The following FRMD4A variants were observed in gnomAD, a reference collection of about 807,000 sequenced individuals.
The protein encoded by FRMD4A is FERM domain-containing protein 4A.
A neutral mutation model predicts 129.1 loss-of-function variants in FRMD4A; 29 were observed. The observed-to-expected ratio is 0.22, with a 90% CI of 0.17 to 0.31. FRMD4A has a LOEUF of 0.31. Ranked by LOEUF, FRMD4A falls within the 10% of genes least tolerant of loss-of-function variation. FRMD4A has a pLI of 1.00. For synonymous variants in FRMD4A, 634 were observed against 571.6 expected, an observed-to-expected ratio of 1.11 and a Z score of -1.56; for missense variants, 1,272 against 1,375.8, an observed-to-expected ratio of 0.92 and a Z score of 1.19.
At chr10:14,271,627 C>T (rs1285787335) in intron 2 of FRMD4A, among the ~76,000 whole-genome samples, 1 of 152,210 alleles carries the variant, frequency 6.6e-6, no homozygotes, top group African/African-American at 2.4e-5. Context: ...TTCAAGGACC[C>T]ACTGTCTAGC....
At chr10:13,695,456 A>G (rs1326833689) in intron 14 of FRMD4A, among the ~76,000 whole-genome samples, 3 of 152,140 alleles carry the variant, frequency 2.0e-5, no homozygotes, top group African/African-American at 7.2e-5. Flanking sequence ...AGTGGTTTTT[A>G]TAAGGTATCT....
chr10:14,147,213 C>G (rs1375488940), intron 2 of FRMD4A, among the ~76,000 whole-genome samples: 3 of 152,062 alleles, frequency 2.0e-5, no homozygotes, highest in Non-Finnish European at 2.9e-5. Flanking sequence ...AGGTGAGAGT[C>G]TAAAGGTCAG....
rs144227115 is a variant in FRMD4A at position 13,948,289 on chromosome 10, C to T, written c.46-89377G>A. Among the ~76,000 whole-genome samples, 1,196 of 152,126 alleles carry T rather than the reference C, an allele frequency of 7.9e-3. 9 individuals are homozygous for T. Among genetic ancestry groups the T allele is most frequent in the Admixed American group, 0.014 (209 of 15,284 alleles). Reference sequence around the variant, plus strand: ...GCAATGATAAACACCTGGGCTCAAGCGATCCTCCCTCCTTAGCCTCCCAAA... The same window carrying T: ...GCAATGATAAACACCTGGGCTCAAGTGATCCTCCCTCCTTAGCCTCCCAAA... On this transcript the variant is annotated intron_variant, in intron 2 of 24. Transcript: ENST00000357447.
intron 2 of FRMD4A, among the ~76,000 whole-genome samples, chr10:14,000,910 A>C (rs1253909029): frequency 6.6e-6 from 1 of 152,116 alleles, no homozygotes; most frequent in Non-Finnish European, 1.5e-5. Context: ...GACTCTCCTC[A>C]ATGTGCTGGA....
intron 15 of FRMD4A, among the ~76,000 whole-genome samples, chr10:13,678,723 A>G (rs2084216196): frequency 6.6e-6 from 1 of 152,254 alleles, no homozygotes. Flanking sequence ...GTAACACTTG[A>G]GGTCCAAAGC....
At chr10:14,085,282 A>C (rs1053303762) in intron 2 of FRMD4A, among the ~76,000 whole-genome samples, 11 of 152,230 alleles carry the variant, frequency 7.2e-5, no homozygotes, top group Non-Finnish European at 1.3e-4. Flanking sequence ...TGCGCAGGTT[A>C]TTCCCTTAAG....
At chr10:13,651,672 C>G (rs1255490881) in intron 24 of FRMD4A, 2 of 532,268 alleles carry the variant, frequency 3.8e-6, no homozygotes, top group Non-Finnish European at 6.7e-6. Context: ...GACTCTGTCT[C>G]AAAACAAAAC....
intron 23 of FRMD4A, 101 bp downstream of exon 23, chr10:13,654,315 C>G (rs771345804): frequency 6.0e-5 from 50 of 830,298 alleles, no homozygotes; most frequent in Non-Finnish European, 1.0e-4. Context: ...GTGATGAACC[C>G]TCATCATCCA....
intron 2 of FRMD4A, among the ~76,000 whole-genome samples, chr10:14,006,954 A>G (rs2095664362): frequency 6.6e-6 from 1 of 152,364 alleles, no homozygotes; most frequent in South Asian, 2.1e-4. Context: ...CATTATTCAA[A>G]TGGCAGAAAA....
Position 13,694,666 on chromosome 10 carries a change from T to C in FRMD4A, c.976-627A>G, listed in dbSNP as rs577584409. ...CAGTGGTTCTCCAGCTTGGGCATCA[T>C]AGCAAGATCCCATCTATACAAAAAA... On this transcript the variant is annotated intron_variant, in intron 14 of 24. Coordinates refer to ENST00000357447, the MANE Select transcript of FRMD4A (RefSeq NM_018027.5). 5.3e-5 allele frequency among the ~76,000 whole-genome samples: 8 copies of C among 152,256 alleles called. No individual in the cohort carries two copies. In the South Asian group the frequency reaches 1.7e-3, roughly 32 times the overall value.
rs532747729 is a variant in FRMD4A, at chr10:14,115,315, C to A, written c.45+214743G>T. ...CCTTGATCACAACTAATGCAAAAGTCCCAGGCCATCTGTGGTTGGCCTCTT... is the reference window on the plus strand; with the variant it reads ...CCTTGATCACAACTAATGCAAAAGTACCAGGCCATCTGTGGTTGGCCTCTT... On this transcript the variant is annotated intron_variant, in intron 2 of 24. Transcript: ENST00000357447. Among the ~76,000 whole-genome samples the A allele has an allele frequency of 8.5e-5, 13 of 152,332 alleles. No individual in the cohort carries two copies. The East Asian group carries it at 2.5e-3, about 29-fold the overall frequency.
intron 2 of FRMD4A, among the ~76,000 whole-genome samples, chr10:14,246,933 G>C (rs1324932455): frequency 2.0e-5 from 3 of 152,168 alleles, no homozygotes. Context: ...CGGTAGTGTA[G>C]CTGCGTTGTG....
chr10:13,677,781 C>T lies in FRMD4A; in HGVS notation c.1118-2737G>A, dbSNP rs79053219. 9.4e-3 allele frequency among the ~76,000 whole-genome samples: 1,424 copies of T among 152,278 alleles called. 26 individuals are homozygous for T. Among genetic ancestry groups the T allele is most frequent in the African/African-American group, 0.033 (1,364 of 41,548 alleles). ...CCAATCACATCTGAAGACTCAGGAA[C>T]ATTTACTGAAGTACTCCGTTTCATC... On this transcript the variant is annotated intron_variant, in intron 15 of 24. Transcript: ENST00000357447.
At position 13,954,299 on chromosome 10, in the gene FRMD4A, C is replaced by T. The variant is rs139552292; in HGVS notation, c.46-95387G>A. 8.2e-4 allele frequency among the ~76,000 whole-genome samples: 125 copies of T among 152,228 alleles called. 1 individual carries two copies. Among genetic ancestry groups the T allele is most frequent in the Admixed American group, 1.6e-3 (25 of 15,298 alleles). The stretch of plus-strand genomic sequence containing the variant: ...AAGAAAAAGTGGTTTAATGGACTCA[C>T]GGTTTCACATGGCTGGGGAGGCCTC... On this transcript the variant is annotated intron_variant, in intron 2 of 24. Coordinates refer to ENST00000357447, the MANE Select transcript of FRMD4A (RefSeq NM_018027.5).
Position 13,947,673 on chromosome 10 carries a change from A to G in FRMD4A, c.46-88761T>C, listed in dbSNP as rs143219677. Among the ~76,000 whole-genome samples the G allele has an allele frequency of 1.5e-4, 23 of 152,272 alleles. No homozygotes were observed. In the East Asian group the frequency reaches 4.2e-3, roughly 28 times the overall value. The stretch of plus-strand genomic sequence containing the variant: ...TAACATTTTCACTCAAATACATGCC[A>G]TAGTACAGCAGAAGCCTCCAGTGTT... On this transcript the variant is annotated intron_variant, in intron 2 of 24. Transcript: ENST00000357447.
chr10:14,265,057 C>G (rs1844932835), intron 2 of FRMD4A, among the ~76,000 whole-genome samples: 1 of 152,238 alleles, frequency 6.6e-6, no homozygotes, highest in East Asian at 1.9e-4. Context: ...GCTGGGATTA[C>G]AGGCGTGAGC....
chr10:13,750,840 T>A lies in FRMD4A; in HGVS notation c.465-3021A>T, dbSNP rs527704587. Reference sequence around the variant, plus strand: ...AGTGTTCAGGAAAACTCAATTCCAATCCCAAGTACAGTCGGTAATTTTTAA... The same window carrying A: ...AGTGTTCAGGAAAACTCAATTCCAAACCCAAGTACAGTCGGTAATTTTTAA... On this transcript the variant is annotated intron_variant, in intron 8 of 24. Coordinates refer to ENST00000357447, the MANE Select transcript of FRMD4A (RefSeq NM_018027.5). Among the ~76,000 whole-genome samples, 253 of 152,220 alleles carry A rather than the reference T, an allele frequency of 1.7e-3. 2 individuals are homozygous for A. Among genetic ancestry groups the A allele is most frequent in the African/African-American group, 5.8e-3 (241 of 41,538 alleles).
At chr10:13,905,654 C>G (rs1312173744) in intron 2 of FRMD4A, among the ~76,000 whole-genome samples, 1 of 152,112 alleles carries the variant, frequency 6.6e-6, no homozygotes, top group African/African-American at 2.4e-5. Flanking sequence ...ATTTCTGTGG[C>G]AACACAACAC....
intron 16 of FRMD4A, among the ~76,000 whole-genome samples, chr10:13,674,660 G>A (rs1337190662): frequency 6.6e-6 from 1 of 152,202 alleles, no homozygotes; most frequent in East Asian, 1.9e-4. Flanking sequence ...GCTTTCTTAA[G>A]ATTTGCACTA....
Sources: allele counts gnomAD v4.1 joint callset (sites outside exome capture counted in the v4.1 genomes callset), GRCh38; gene constraint gnomAD v4.1.1; transcripts MANE v1.5; gene names NCBI Gene and HGNC (gene_info 2026-07-23, HGNC 2026-07-21).